CCNB3: variants seen among roughly 807,000 people sequenced by gnomAD.
The protein encoded by CCNB3 is G2/mitotic-specific cyclin-B3.
In CCNB3, 12 loss-of-function variants were observed where a neutral mutation model predicts 68.0. The ratio of observed to expected loss-of-function variants is 0.18; its 90% CI spans 0.11 to 0.29. CCNB3 has a LOEUF of 0.29. CCNB3 is among the 10% of genes least tolerant of loss of function. The pLI is 1.00. For synonymous variants in CCNB3, 354 were observed against 388.9 expected, an observed-to-expected ratio of 0.91 and a Z score of 1.06; for missense variants, 904 against 993.1, an observed-to-expected ratio of 0.91 and a Z score of 1.21.
chrX:50,326,124 T>C (rs1922284616), intron 8 of CCNB3, among the ~76,000 whole-genome samples: 1 of 111,952 alleles, frequency 8.9e-6, no homozygotes, highest in African/African-American at 3.2e-5. Context: ...TGCAGCATGA[T>C]ATCCTTTTAT....
chrX:50,311,802 G>T (rs1404418028), intron 6 of CCNB3, among the ~76,000 whole-genome samples: 2 of 110,448 alleles, frequency 1.8e-5, no homozygotes, highest in African/African-American at 3.3e-5. Context: ...AGGTTCTTTG[G>T]CATTTTTCTC....
At chrX:50,335,668 A>G (rs917329449) in intron 8 of CCNB3, among the ~76,000 whole-genome samples, 1 of 111,463 alleles carries the variant, frequency 9.0e-6, no homozygotes, top group African/African-American at 3.3e-5. Flanking sequence ...ATCCGCCCAT[A>G]TTCGGGGCCA....
At chrX:50,214,847 C>G (rs1935545074) in intron 1 of CCNB3, among the ~76,000 whole-genome samples, 1 of 106,188 alleles carries the variant, frequency 9.4e-6, no homozygotes, top group Non-Finnish European at 1.9e-5. Context: ...GTGTGAGCCA[C>G]CACACCTGGC....
intron 8 of CCNB3, among the ~76,000 whole-genome samples, chrX:50,335,267 T>G (rs1406712714): frequency 8.9e-6 from 1 of 112,129 alleles, no homozygotes; most frequent in Non-Finnish European, 1.9e-5. Context: ...GCAAACAGCT[T>G]CTGGCTTTCA....
chrX:50,203,006 G>T (rs978466706), upstream of CCNB3, among the ~76,000 whole-genome samples: 1 of 111,761 alleles, frequency 8.9e-6, no homozygotes, highest in African/African-American at 3.3e-5. Context: ...TCAAAGTAAG[G>T]AATATATTGT....
Position 50,310,553 on chromosome X carries a change from A to G in CCNB3, c.2384A>G (p.Glu795Gly), listed in dbSNP as rs782739134. 1 of 1,211,327 alleles carries G rather than the reference A, an allele frequency of 8.3e-7. No homozygotes were observed. The highest frequency in any genetic ancestry group is 3.0e-5 in the East Asian group (1 of 33,805). ...LEGYPSIAEG[E>G]TLFKKLLAMQ... Reference sequence around the variant, plus strand: ...GGGTATCCCAGCATTGCGGAGGGGGAGACCCTCTTCAAGAAGCTTTTGGCC... The same window carrying G: ...GGGTATCCCAGCATTGCGGAGGGGGGGACCCTCTTCAAGAAGCTTTTGGCC... Residue 795 changes from glutamate (E) to glycine (G), a missense_variant, in exon 6 of 13, where the codon GAG becomes GGG. By Grantham distance (98) the Glu-to-Gly change is moderately conservative. Transcript: ENST00000376042.
chrX:50,313,668 G>C (rs1156876295), intron 7 of CCNB3, among the ~76,000 whole-genome samples, 188 bp from the exon 8 acceptor site: 12 of 111,682 alleles, frequency 1.1e-4, no homozygotes, highest in Admixed American at 9.6e-4. Context: ...TCTGACACTT[G>C]AATATCACGT....
chrX:50,337,993 A>G (rs1025167730), intron 8 of CCNB3, among the ~76,000 whole-genome samples: 29 of 112,300 alleles, frequency 2.6e-4, no homozygotes, highest in African/African-American at 6.8e-4. Flanking sequence ...CAGTCTTAAC[A>G]AGTTCCAGAT....
chrX:50,318,701 G>A (rs1416896310), intron 8 of CCNB3, among the ~76,000 whole-genome samples: 16 of 111,832 alleles, frequency 1.4e-4, no homozygotes, highest in African/African-American at 5.2e-4. Context: ...CCCTAGAAAG[G>A]TCTGTTTGCA....
chrX:50,226,634 A>C (rs1402542600), intron 1 of CCNB3, among the ~76,000 whole-genome samples: 1 of 76,750 alleles, frequency 1.3e-5, no homozygotes, highest in East Asian at 3.7e-4. Context: ...GAATATATCT[A>C]TAAATATATA....
chrX:50,320,884 A>G (rs1269475603), intron 8 of CCNB3, among the ~76,000 whole-genome samples: 2 of 111,351 alleles, frequency 1.8e-5, no homozygotes, highest in Non-Finnish European at 3.8e-5. Context: ...CAATGGTTAT[A>G]TGATTGCAAT....
intron 5 of CCNB3, among the ~76,000 whole-genome samples, chrX:50,306,474 A>AC: frequency 8.9e-6 from 1 of 111,767 alleles, no homozygotes; most frequent in South Asian, 3.8e-4. Context: ...TTTCTTGCCT[A>AC]CTTGCCCTAG....
chrX:50,311,299 T>C lies in CCNB3; in HGVS notation c.3130T>C (p.Phe1044Leu), dbSNP rs1244186603. The change falls in exon 6 of 13, where the codon TTT becomes CTT. Residue 1044 changes from phenylalanine (F) to leucine (L), a missense_variant. By Grantham distance (22) the Phe-to-Leu change is conservative (BLOSUM62 0). Coordinates refer to ENST00000376042, the MANE Select transcript of CCNB3 (RefSeq NM_033031.3). ...QESPTCKEDT[F>L]LETFLIPQIG... ...GAGTCCCACCTGCAAGGAAGACACC[T>C]TTCTGGAAACATTCTTGATCCCCCA... 9.9e-6 allele frequency: 12 copies of C among 1,209,389 alleles called. No individual in the cohort carries two copies. The Admixed American group carries it at 2.4e-4, about 24-fold the overall frequency.
chrX:50,349,826 C>T (rs1213729207), intron 11 of CCNB3, among the ~76,000 whole-genome samples: 1 of 111,818 alleles, frequency 8.9e-6, no homozygotes, highest in African/African-American at 3.3e-5. Flanking sequence ...GCTATTTGGG[C>T]TTCCAGGTAA....
chrX:50,288,265 G>A (rs1313078924), intron 3 of CCNB3, among the ~76,000 whole-genome samples: 2 of 109,962 alleles, frequency 1.8e-5, no homozygotes, highest in Non-Finnish European at 3.8e-5. Context: ...AAAAGGTTAG[G>A]GACCGCTGTT....
intron 8 of CCNB3, among the ~76,000 whole-genome samples, chrX:50,337,907 C>T (rs1248747667): frequency 8.9e-6 from 1 of 112,063 alleles, no homozygotes; most frequent in Non-Finnish European, 1.9e-5. Flanking sequence ...AAAACAAAAA[C>T]CAAAGTGCCA....
chrX:50,298,057 T>A (rs1279303900), intron 5 of CCNB3, among the ~76,000 whole-genome samples: 1 of 111,760 alleles, frequency 8.9e-6, no homozygotes, highest in Non-Finnish European at 1.9e-5. Context: ...TTTCTAGATA[T>A]ACAATCATGT....
intron 1 of CCNB3, among the ~76,000 whole-genome samples, chrX:50,279,440 A>C (rs1350931347): frequency 1.4e-5 from 1 of 72,246 alleles, no homozygotes; most frequent in Non-Finnish European, 2.6e-5. Context: ...ATAAATATAT[A>C]TATAAATATA....
chrX:50,342,164 A>G (rs782669373), intron 8 of CCNB3, 38 bp from the exon 9 acceptor site: 2 of 1,206,736 alleles, frequency 1.7e-6, no homozygotes, highest in African/African-American at 3.5e-5. Flanking sequence ...TTGGAGCTGG[A>G]CAATATGCAG....
Sources: gnomAD v4.1 joint callset for allele counts (sites outside exome capture counted in the v4.1 genomes callset) on GRCh38, gnomAD v4.1.1 for gene constraint, MANE v1.5 for transcripts, NCBI Gene and HGNC (gene_info 2026-07-23, HGNC 2026-07-21) for gene names.